The following CRKL variants were observed in gnomAD, a reference collection of about 807,000 sequenced individuals.
CRKL encodes the protein CRK like proto-oncogene, adaptor protein.
In CRKL, 3 loss-of-function variants were observed where a neutral mutation model predicts 23.0. The observed-to-expected ratio is 0.13, with a 90% CI of 0.06 to 0.34. The LOEUF (loss-of-function observed/expected upper bound fraction) is 0.34. CRKL is among the 10% of genes least tolerant of loss of function. The probability of loss-of-function intolerance (pLI) is 1.00; values close to 1 mark genes in which losing one functional copy is unlikely to be tolerated. For synonymous variants in CRKL, 188 were observed against 160.7 expected (o/e 1.17, Z -1.28); for missense variants, 256 against 394.5 (o/e 0.65, Z 2.97).
At chr22:20,921,272 C>G (rs1019565168) in intron 1 of CRKL, among the ~76,000 whole-genome samples, 1 of 152,170 alleles carries the variant, frequency 6.6e-6, no homozygotes, top group African/African-American at 2.4e-5. Flanking sequence ...CAATAATGTC[C>G]TACTCGAAAT....
At chr22:20,925,950 G>A (rs905486087) in intron 1 of CRKL, among the ~76,000 whole-genome samples, 4 of 152,116 alleles carry the variant, frequency 2.6e-5, no homozygotes, top group African/African-American at 4.8e-5. Context: ...TTTGATTTTT[G>A]TCTTTGAGAA....
intron 2 of CRKL, among the ~76,000 whole-genome samples, chr22:20,935,804 A>G (rs1233417438): frequency 6.6e-6 from 1 of 150,426 alleles, no homozygotes; most frequent in Non-Finnish European, 1.5e-5. Context: ...GATTACAGGC[A>G]TGATCCACTG....
intron 2 of CRKL, among the ~76,000 whole-genome samples, chr22:20,939,855 C>T (rs1002084682): frequency 6.8e-6 from 1 of 146,824 alleles, no homozygotes; most frequent in Non-Finnish European, 1.5e-5. Context: ...ATGGCGTGAT[C>T]TCGGCTCACT....
At chr22:20,933,011 T>C (rs572262306) in intron 1 of CRKL, among the ~76,000 whole-genome samples, 2 of 148,786 alleles carry the variant, frequency 1.3e-5, no homozygotes, top group South Asian at 4.3e-4. Flanking sequence ...ACACGGGAGG[T>C]AGAGGTTACA....
Position 20,926,708 on chromosome 22 carries a change from G to A in CRKL, c.312-7071G>A, listed in dbSNP as rs937705103. ...GAATAAGTAGAGAAAGAGAAGCTGC[G>A]GAAGGAGAGGCAGCCACAAGCATAG... On this transcript the variant is annotated intron_variant, in intron 1 of 2. Transcript: ENST00000354336. 8.5e-5 allele frequency among the ~76,000 whole-genome samples: 13 copies of A among 152,196 alleles called. No individual in the cohort carries two copies. The South Asian group carries it at 2.5e-3, about 29-fold the overall frequency.
chr22:20,921,618 G>T (rs1177435504), intron 1 of CRKL, among the ~76,000 whole-genome samples: 2 of 152,190 alleles, frequency 1.3e-5, no homozygotes, highest in East Asian at 1.9e-4. Context: ...CTGAGAGGAG[G>T]AGAAGAGCCT....
In CRKL at chr22:20,917,481, A is replaced by C; in HGVS notation, c.-454A>C. ...CGTCCGCCATTTTGTTGCTGTGGCT[A>C]TTGGGAACAAGCTGGGCAAAAGCAC... On this transcript the variant is annotated 5_prime_UTR_variant, in exon 1 of 3. Transcript: ENST00000354336. 4.3e-6 allele frequency: 1 copy of C among 235,198 alleles called. No individual in the cohort carries two copies. The highest frequency in any genetic ancestry group is 8.4e-6 in the Non-Finnish European group (1 of 119,692). 14.6% of individuals were successfully genotyped at this position (235,198 alleles called of 1,614,324 possible).
intron 1 of CRKL, among the ~76,000 whole-genome samples, chr22:20,921,655 G>A (rs1248316299): frequency 1.3e-5 from 2 of 152,056 alleles, no homozygotes; most frequent in Non-Finnish European, 2.9e-5. Context: ...AGCTTATGTA[G>A]ATGTCCTGAG....
intron 1 of CRKL, among the ~76,000 whole-genome samples, chr22:20,920,416 C>T (rs1356879019): frequency 2.0e-5 from 3 of 151,806 alleles, no homozygotes; most frequent in Non-Finnish European, 4.4e-5. Flanking sequence ...GCAGGAGAAT[C>T]GCTCGAACCC....
intron 2 of CRKL, among the ~76,000 whole-genome samples, chr22:20,941,586 A>ATTTTTTTT: frequency 5.3e-5 from 1 of 18,780 alleles, no homozygotes; most frequent in Admixed American, 7.4e-4. Context: ...GTGTATATAT[A>ATTTTTTTT]TATTTTTTTT....
At chr22:20,920,733 T>C (rs1569130902) in intron 1 of CRKL, among the ~76,000 whole-genome samples, 1 of 152,164 alleles carries the variant, frequency 6.6e-6, no homozygotes. Context: ...CATACCTTTG[T>C]ACCTTTGCAC....
At chr22:20,939,233 C>CT (rs140538861) in intron 2 of CRKL, among the ~76,000 whole-genome samples, 799 of 75,146 alleles carry the variant, frequency 0.011, 55 homozygotes, top group African/African-American at 0.025. Flanking sequence ...ACATAAGTTG[C>CT]TTTTTTTTTT....
intron 2 of CRKL, among the ~76,000 whole-genome samples, chr22:20,944,375 C>T (rs1921981004): frequency 6.6e-6 from 1 of 151,914 alleles, no homozygotes; most frequent in South Asian, 2.1e-4. Context: ...TTTTGGTATG[C>T]AAGTGTTTCA....
At chr22:20,934,415 G>A (rs1340994769) in intron 2 of CRKL, among the ~76,000 whole-genome samples, 171 bp downstream of exon 2, 2 of 152,094 alleles carry the variant, frequency 1.3e-5, no homozygotes, top group Non-Finnish European at 2.9e-5. Flanking sequence ...ATAGAGACGA[G>A]GTCTCTAATT....
In CRKL at chr22:20,953,630, G is replaced by T. The variant is rs192129544; in HGVS notation, c.*3785G>T. 15 of 209,104 alleles carry T rather than the reference G, an allele frequency of 7.2e-5. No individual in the cohort carries two copies. In the East Asian group the frequency reaches 1.0e-3, roughly 14 times the overall value. 13.0% of individuals were successfully genotyped at this position (209,104 alleles called of 1,614,324 possible). ...TCGAGTGTCTTTTCTTAACAGATTA[G>T]TGCCTTTTTATTTTTGTATTCCGTT... On this transcript the variant is annotated 3_prime_UTR_variant, in exon 3 of 3. Transcript: ENST00000354336.
chr22:20,944,577 G>A (rs1028332554), intron 2 of CRKL, among the ~76,000 whole-genome samples: 4 of 150,814 alleles, frequency 2.7e-5, no homozygotes, highest in African/African-American at 9.8e-5. Context: ...GCTAATTTTT[G>A]TATTTTTAGT....
chr22:20,918,430 G>T (rs928493569), intron 1 of CRKL, among the ~76,000 whole-genome samples, 185 bp downstream of exon 1: 76 of 148,268 alleles, frequency 5.1e-4, no homozygotes, highest in Non-Finnish European at 1.0e-3. Flanking sequence ...AAGAGGATGC[G>T]TTTTTTTTTT....
chr22:20,938,290 TAAA>T (rs1601681890), intron 2 of CRKL, among the ~76,000 whole-genome samples: 1 of 152,212 alleles, frequency 6.6e-6, no homozygotes, highest in East Asian at 1.9e-4. Flanking sequence ...TTCCTGTAAG[TAAA>T]GAGATATTTT....
intron 1 of CRKL, among the ~76,000 whole-genome samples, chr22:20,928,013 G>A (rs755564294): frequency 6.6e-6 from 1 of 151,728 alleles, no homozygotes; most frequent in African/African-American, 2.4e-5. Flanking sequence ...TACAAAATTA[G>A]CCCGGCAGTA....
Sources: gnomAD v4.1 joint callset for allele counts (sites outside exome capture counted in the v4.1 genomes callset) on GRCh38, gnomAD v4.1.1 for gene constraint, MANE v1.5 for transcripts, NCBI Gene and HGNC (gene_info 2026-07-23, HGNC 2026-07-21) for gene names.